The following UBE2G1 variants were observed in gnomAD, a reference collection of about 807,000 sequenced individuals.
UBE2G1 encodes ubiquitin conjugating enzyme E2 G1.
UBE2G1 carries 5 observed loss-of-function variants against 22.7 expected under a neutral mutation model. The ratio of observed to expected loss-of-function variants is 0.22; its 90% confidence interval spans 0.12 to 0.46. The LOEUF (loss-of-function observed/expected upper bound fraction) is 0.46, where lower values mean the gene tolerates loss of function less well. Ranked by LOEUF, UBE2G1 falls within the 20% of genes least tolerant of loss-of-function variation. The pLI, the probability that UBE2G1 is intolerant of heterozygous loss-of-function variation, is 0.99. For missense variants in UBE2G1, 88 were observed against 203.9 expected, an observed-to-expected ratio of 0.43 and a Z score of 3.46; for synonymous variants, 74 against 67.5, an observed-to-expected ratio of 1.10 and a Z score of -0.47.
At chr17:4,292,281 C>T (rs1477739583) in intron 3 of UBE2G1, among the ~76,000 whole-genome samples, 1 of 145,812 alleles carries the variant, frequency 6.9e-6, no homozygotes, top group African/African-American at 2.6e-5. Context: ...AGCCACTGCA[C>T]TCCAGCCTGG....
chr17:4,328,327 T>C (rs1969525299), intron 1 of UBE2G1, among the ~76,000 whole-genome samples: 1 of 152,232 alleles, frequency 6.6e-6, no homozygotes. Flanking sequence ...AGGTGTATAT[T>C]GTTTTATGTT....
chr17:4,326,228 T>A (rs1417645817), intron 1 of UBE2G1, among the ~76,000 whole-genome samples: 1 of 152,080 alleles, frequency 6.6e-6, no homozygotes, highest in East Asian at 1.9e-4. Flanking sequence ...CAAAAAGAAC[T>A]CATACAACTC....
chr17:4,365,578 G>C (rs1597271497), intron 1 of UBE2G1, among the ~76,000 whole-genome samples: 1 of 152,042 alleles, frequency 6.6e-6, no homozygotes, highest in African/African-American at 2.4e-5. Context: ...CCCGGAGCCG[G>C]CCAGCGAGCG....
chr17:4,335,916 C>A (rs530763195), intron 1 of UBE2G1, among the ~76,000 whole-genome samples: 1 of 152,108 alleles, frequency 6.6e-6, no homozygotes, highest in Non-Finnish European at 1.5e-5. Context: ...GAGGCCAAGG[C>A]GGGAGGATCA....
chr17:4,353,856 C>T (rs1969875281), intron 1 of UBE2G1, among the ~76,000 whole-genome samples: 1 of 128,258 alleles, frequency 7.8e-6, no homozygotes, highest in African/African-American at 3.1e-5. Flanking sequence ...CTCACTCAGT[C>T]ACCCAGGCTG....
intron 1 of UBE2G1, among the ~76,000 whole-genome samples, chr17:4,329,572 G>A (rs374813174): frequency 6.6e-6 from 1 of 151,826 alleles, no homozygotes; most frequent in Non-Finnish European, 1.5e-5. Context: ...AAAAGAGACT[G>A]AGACTCTTCT....
rs570118801 is a variant in UBE2G1, at chr17:4,300,297, C to G, written c.150-3483G>C. ...GTGGCTCACGCCTGTAATCCCAGCA[C>G]TTTGGGAGGCTGAGGCGGGCGGATC... On this transcript the variant is annotated intron_variant, in intron 2 of 5. Coordinates refer to ENST00000396981, the MANE Select transcript of UBE2G1 (RefSeq NM_003342.5). 6.6e-5 allele frequency among the ~76,000 whole-genome samples: 10 copies of G among 152,220 alleles called. No individual in the cohort carries two copies. The South Asian group carries it at 2.1e-3, about 32-fold the overall frequency.
intron 2 of UBE2G1, chr17:4,302,421 GC>G: frequency 2.0e-6 from 1 of 505,770 alleles, no homozygotes. Flanking sequence ...GTGCATTTTG[GC>G]CAACAGTGGC....
chr17:4,358,399 G>C (rs561511623), intron 1 of UBE2G1, among the ~76,000 whole-genome samples: 1 of 152,090 alleles, frequency 6.6e-6, no homozygotes, highest in Admixed American at 6.6e-5. Flanking sequence ...CCTAGTAGCT[G>C]AAACTACAGA....
At chr17:4,274,871 G>C (rs1272255493) in intron 5 of UBE2G1, among the ~76,000 whole-genome samples, 1 of 110,206 alleles carries the variant, frequency 9.1e-6, no homozygotes, top group Non-Finnish European at 2.1e-5. Context: ...TGGGCAACAG[G>C]AGACCCTTGT....
chr17:4,302,619 AT>A, intron 2 of UBE2G1: 1 of 366,700 alleles, frequency 2.7e-6, no homozygotes, highest in South Asian at 2.5e-5. Context: ...GTCTTACTCT[AT>A]TTTGTGAATC....
At chr17:4,357,153 C>T (rs1057197167) in intron 1 of UBE2G1, among the ~76,000 whole-genome samples, 1 of 151,970 alleles carries the variant, frequency 6.6e-6, no homozygotes, top group Non-Finnish European at 1.5e-5. Flanking sequence ...TAAACAATTC[C>T]TAAGTTGTAA....
chr17:4,300,178 C>T (rs1969158952), intron 2 of UBE2G1, among the ~76,000 whole-genome samples: 1 of 151,712 alleles, frequency 6.6e-6, no homozygotes, highest in Admixed American at 6.6e-5. Flanking sequence ...AAGCCCAAAA[C>T]CCATAGAGTA....
At chr17:4,272,597 G>C (rs1411514205) in intron 5 of UBE2G1, 81 bp from the exon 6 acceptor site, 1 of 186,416 alleles carries the variant, frequency 5.4e-6, no homozygotes, top group African/African-American at 2.4e-5. Flanking sequence ...ATCCATATTA[G>C]ATTTATTTGA....
intron 5 of UBE2G1, among the ~76,000 whole-genome samples, chr17:4,281,984 T>A (rs1043957432): frequency 6.6e-6 from 1 of 152,170 alleles, no homozygotes; most frequent in Non-Finnish European, 1.5e-5. Flanking sequence ...AGACCTAACA[T>A]AAAACTGTGG....
At chr17:4,287,145 C>T (rs1010368188) in intron 4 of UBE2G1, among the ~76,000 whole-genome samples, 2 of 148,444 alleles carry the variant, frequency 1.3e-5, no homozygotes, top group Admixed American at 1.4e-4. Context: ...GCACTGTTAC[C>T]CTGGCTGGAG....
At chr17:4,338,635 C>G (rs1294138934) in intron 1 of UBE2G1, among the ~76,000 whole-genome samples, 1 of 152,180 alleles carries the variant, frequency 6.6e-6, no homozygotes, top group African/African-American at 2.4e-5. Flanking sequence ...AATAAAAATT[C>G]TAAATTATAA....
At chr17:4,315,740 AAAAAAAC>A (rs554899911) in intron 1 of UBE2G1, among the ~76,000 whole-genome samples, 14 of 146,558 alleles carry the variant, frequency 9.6e-5, no homozygotes, top group South Asian at 2.1e-4. Context: ...ACTCCATCTC[AAAAAAAC>A]AAAAAACAAA....
At chr17:4,366,138 C>G in intron 1 of UBE2G1, 133 bp downstream of exon 1, 4 of 927,022 alleles carry the variant, frequency 4.3e-6, no homozygotes, top group Non-Finnish European at 5.9e-6. Flanking sequence ...GGGACCGGAG[C>G]CTCGAGGTCC....
Sources: allele counts gnomAD v4.1 joint callset (sites outside exome capture counted in the v4.1 genomes callset), GRCh38; gene constraint gnomAD v4.1.1; transcripts MANE v1.5; gene names NCBI Gene and HGNC (gene_info 2026-07-23, HGNC 2026-07-21).